Variants in PDZRN3 observed in about 807,000 individuals in gnomAD.
PDZRN3 encodes the protein PDZ domain containing ring finger 3, also known as E3 ubiquitin-protein ligase PDZRN3.
A neutral mutation model predicts 85.7 loss-of-function variants in PDZRN3; 38 were observed. The ratio of observed to expected loss-of-function variants is 0.44; its 90% CI spans 0.34 to 0.58. The LOEUF (loss-of-function observed/expected upper bound fraction) is 0.58. Among genes scored for constraint, PDZRN3 ranks in the 20% least tolerant of loss-of-function variants. The pLI, the probability that PDZRN3 is intolerant of heterozygous loss-of-function variation, is 0.01. For synonymous variants in PDZRN3, 759 were observed against 638.0 expected (o/e 1.19, Z -2.86); for missense variants, 1,629 against 1,506.4 (o/e 1.08, Z -1.35).
intron 3 of PDZRN3, among the ~76,000 whole-genome samples, chr3:73,502,892 T>A (rs1416092022): frequency 6.6e-6 from 1 of 152,204 alleles, no homozygotes; most frequent in African/African-American, 2.4e-5. Context: ...GGCTCACAGG[T>A]GACAGTGTCT....
At chr3:73,386,400 T>C (rs142675021) in intron 8 of PDZRN3, among the ~76,000 whole-genome samples, 57 of 152,172 alleles carry the variant, frequency 3.7e-4, no homozygotes, top group African/African-American at 1.3e-3. Context: ...TTTCACCATG[T>C]TGGCCAGGCT....
At chr3:73,535,433 T>G (rs2106765814) in intron 3 of PDZRN3, among the ~76,000 whole-genome samples, 1 of 152,326 alleles carries the variant, frequency 6.6e-6, no homozygotes. Context: ...GAATGGAGAC[T>G]TAACTGGAGC....
intron 3 of PDZRN3, among the ~76,000 whole-genome samples, chr3:73,498,872 C>G (rs528282021): frequency 6.6e-6 from 1 of 152,092 alleles, no homozygotes; most frequent in African/African-American, 2.4e-5. Context: ...TGTGAGTCAT[C>G]GTGCCTGGCC....
intron 3 of PDZRN3, among the ~76,000 whole-genome samples, chr3:73,547,714 T>C (rs1201058306): frequency 1.3e-5 from 2 of 152,298 alleles, no homozygotes; most frequent in East Asian, 1.9e-4. Context: ...CCTACTTCCA[T>C]GGCTCCAGAA....
At chr3:73,409,794 C>T (rs987499454) in intron 3 of PDZRN3, among the ~76,000 whole-genome samples, 17 of 152,102 alleles carry the variant, frequency 1.1e-4, no homozygotes, top group Non-Finnish European at 1.8e-4. Context: ...ACAACTTAAT[C>T]GTAAGCAGTT....
intron 3 of PDZRN3, 126 bp downstream of exon 3, chr3:73,602,228 A>G (rs1702525526): frequency 1.5e-6 from 1 of 645,368 alleles, no homozygotes; most frequent in Non-Finnish European, 2.8e-6. Flanking sequence ...CAATGGGAAA[A>G]GTGAGACTCC....
intron 3 of PDZRN3, among the ~76,000 whole-genome samples, chr3:73,518,544 TAAAA>T (rs146407164): frequency 1.3e-4 from 19 of 151,126 alleles, no homozygotes; most frequent in African/African-American, 3.9e-4. Context: ...TTTTAAAACT[TAAAA>T]AAAAAGACTG....
At chr3:73,458,575 A>C (rs1703035318) in intron 3 of PDZRN3, among the ~76,000 whole-genome samples, 5 of 149,216 alleles carry the variant, frequency 3.4e-5, no homozygotes. Flanking sequence ...ATGCTAGGAA[A>C]CTGACCTGCA....
chr3:73,489,902 A>C (rs1199145505), intron 3 of PDZRN3, among the ~76,000 whole-genome samples: 1 of 152,090 alleles, frequency 6.6e-6, no homozygotes, highest in East Asian at 1.9e-4. Flanking sequence ...CAGGCACCCA[A>C]AACGGTGATG....
At chr3:73,388,783 G>A (rs1701454359) in intron 7 of PDZRN3, among the ~76,000 whole-genome samples, 2 of 151,954 alleles carry the variant, frequency 1.3e-5, no homozygotes, top group African/African-American at 4.8e-5. Flanking sequence ...ATTGGTTGGA[G>A]TGATTGCCCT....
At chr3:73,440,684 C>T (rs1702618230) in intron 3 of PDZRN3, among the ~76,000 whole-genome samples, 1 of 152,186 alleles carries the variant, frequency 6.6e-6, no homozygotes, top group Non-Finnish European at 1.5e-5. Flanking sequence ...TGACAACACC[C>T]AGCCTCCAAA....
intron 4 of PDZRN3, 150 bp from the exon 5 acceptor site, chr3:73,401,159 G>T: frequency 3.3e-6 from 2 of 615,018 alleles, no homozygotes; most frequent in Admixed American, 2.6e-5. Context: ...CTCTCAGCAC[G>T]GTCAGGACCT....
intron 3 of PDZRN3, among the ~76,000 whole-genome samples, chr3:73,451,284 ACTG>A (rs1431261544): frequency 3.9e-5 from 6 of 152,172 alleles, no homozygotes; most frequent in Middle Eastern, 3.2e-3. Flanking sequence ...TCAAATTTTT[ACTG>A]CTAATAAATG....
chr3:73,497,813 C>T (rs1002614778), intron 3 of PDZRN3, among the ~76,000 whole-genome samples: 34 of 152,060 alleles, frequency 2.2e-4, no homozygotes, highest in African/African-American at 8.0e-4. Context: ...CCGTCCCCGC[C>T]CCCGCCAACA....
chr3:73,531,772 T>G (rs1463180890), intron 3 of PDZRN3, among the ~76,000 whole-genome samples: 1 of 152,156 alleles, frequency 6.6e-6, no homozygotes, highest in Non-Finnish European at 1.5e-5. Context: ...CAGCCTAATG[T>G]CTAGACCGAG....
intron 3 of PDZRN3, among the ~76,000 whole-genome samples, chr3:73,522,899 A>G (rs1048486261): frequency 1.3e-5 from 2 of 152,250 alleles, no homozygotes; most frequent in East Asian, 3.8e-4. Context: ...ATTGCTAACT[A>G]TGAATTCACT....
chr3:73,606,252 G>A (rs1702598039), intron 2 of PDZRN3, among the ~76,000 whole-genome samples: 1 of 152,340 alleles, frequency 6.6e-6, no homozygotes, highest in East Asian at 1.9e-4. Flanking sequence ...TCTCAAAACT[G>A]GTAACAAAGG....
At chr3:73,471,183 G>A (rs1467509471) in intron 3 of PDZRN3, among the ~76,000 whole-genome samples, 1 of 152,162 alleles carries the variant, frequency 6.6e-6, no homozygotes, top group South Asian at 2.1e-4. Context: ...GGACAACGAT[G>A]TGAAGAGATA....
intron 3 of PDZRN3, among the ~76,000 whole-genome samples, chr3:73,598,226 T>G (rs1254711922): frequency 6.6e-6 from 1 of 152,182 alleles, no homozygotes; most frequent in Non-Finnish European, 1.5e-5. Context: ...AATATGAGCA[T>G]AGTTCCTTTA....
Sources: allele counts gnomAD v4.1 joint callset (sites outside exome capture counted in the v4.1 genomes callset), GRCh38; gene constraint gnomAD v4.1.1; transcripts MANE v1.5; gene names NCBI Gene and HGNC (gene_info 2026-07-23, HGNC 2026-07-21).